Variants in SLC35F1 observed in about 807,000 individuals in gnomAD.
SLC35F1 encodes the protein solute carrier family 35 member F1.
Under a neutral mutation model 48.7 loss-of-function variants are expected in SLC35F1, and 14 were observed. That is an observed-to-expected ratio of 0.29 (90% CI 0.19 to 0.45). The LOEUF (loss-of-function observed/expected upper bound fraction) is 0.45. Among genes scored for constraint, SLC35F1 ranks in the 20% least tolerant of loss-of-function variants. The pLI is 1.00. For synonymous variants in SLC35F1, 190 were observed against 202.2 expected, an observed-to-expected ratio of 0.94 and a Z score of 0.51; for missense variants, 404 against 500.0, an observed-to-expected ratio of 0.81 and a Z score of 1.83.
At chr6:117,923,431 T>A (rs1360104587) in intron 1 of SLC35F1, among the ~76,000 whole-genome samples, 1 of 151,010 alleles carries the variant, frequency 6.6e-6, no homozygotes, top group Non-Finnish European at 1.5e-5. Context: ...GTGGGTTCAG[T>A]TTAACTTGAT....
intron 2 of SLC35F1, among the ~76,000 whole-genome samples, chr6:118,177,669 A>G (rs1774510099): frequency 6.6e-6 from 1 of 152,120 alleles, no homozygotes; most frequent in Non-Finnish European, 1.5e-5. Flanking sequence ...CAAATTACAG[A>G]AAATTCTTAG....
intron 1 of SLC35F1, among the ~76,000 whole-genome samples, chr6:117,979,673 T>C (rs1776750106): frequency 6.6e-6 from 1 of 152,192 alleles, no homozygotes; most frequent in Non-Finnish European, 1.5e-5. Flanking sequence ...AATTTTATAA[T>C]TATGTCTTTC....
At chr6:117,967,313 AG>A (rs538839501) in intron 1 of SLC35F1, among the ~76,000 whole-genome samples, 86 of 152,358 alleles carry the variant, frequency 5.6e-4, no homozygotes, top group Non-Finnish European at 1.1e-3. Context: ...TTGAAACCAT[AG>A]AAAAAATTTT....
chr6:118,057,414 A>G (rs1331251640), intron 1 of SLC35F1, among the ~76,000 whole-genome samples: 3 of 152,140 alleles, frequency 2.0e-5, no homozygotes, highest in Admixed American at 6.5e-5. Flanking sequence ...GGTCCCAAGC[A>G]GGAGGAGGGG....
At chr6:118,182,519 A>AGAGAAGGAAGGAAG (rs1554234198) in intron 2 of SLC35F1, among the ~76,000 whole-genome samples, 88 of 106,338 alleles carry the variant, frequency 8.3e-4, no homozygotes, top group African/African-American at 1.9e-3. Flanking sequence ...AGAGAGAGAG[A>AGAGAAGGAAGGAAG]GAAGGAAGGA....
intron 1 of SLC35F1, among the ~76,000 whole-genome samples, chr6:117,916,656 T>C (rs1460087317): frequency 2.6e-5 from 4 of 152,290 alleles, no homozygotes; most frequent in Admixed American, 6.5e-5. Context: ...AGGGAAACTA[T>C]TTAGGAGTAC....
intron 2 of SLC35F1, among the ~76,000 whole-genome samples, chr6:118,180,087 C>A (rs1774551369): frequency 6.6e-6 from 1 of 152,094 alleles, no homozygotes; most frequent in South Asian, 2.1e-4. Context: ...AAAAACATTT[C>A]TCCTTTGAGA....
At chr6:117,970,698 G>T (rs950229157) in intron 1 of SLC35F1, among the ~76,000 whole-genome samples, 3 of 152,206 alleles carry the variant, frequency 2.0e-5, no homozygotes, top group African/African-American at 4.8e-5. Context: ...AGGAGCAAAG[G>T]CATGTCTTAC....
intron 3 of SLC35F1, among the ~76,000 whole-genome samples, chr6:118,236,667 C>G (rs946424365): frequency 2.0e-5 from 3 of 152,196 alleles, no homozygotes; most frequent in Non-Finnish European, 2.9e-5. Context: ...TTTTCCAGGA[C>G]CACCTCCATA....
chr6:118,267,153 A>C lies in SLC35F1; in HGVS notation c.636A>C (p.Ala212=). 6.2e-7 allele frequency: 1 copy of C among 1,613,920 alleles called. No homozygotes were observed. The highest frequency in any genetic ancestry group is 2.2e-5 in the East Asian group (1 of 44,868). ...ADVLVGRHQG[A]GENKLVGDLL... ...TGCTTGTGGGAAGACATCAGGGAGC[A>C]GGTGAGTCTTCGGATGTTCACCAGG... is the stretch of plus-strand genomic sequence containing the variant. The change falls in exon 4 of 8, where the codon GCA becomes GCC. Residue 212 remains alanine (A), a splice_region_variant and synonymous_variant. Transcript: ENST00000360388.
intron 1 of SLC35F1, among the ~76,000 whole-genome samples, chr6:118,034,230 G>A (rs762743005): frequency 6.6e-6 from 1 of 151,918 alleles, no homozygotes; most frequent in African/African-American, 2.4e-5. Flanking sequence ...TATAAAACCT[G>A]TTCTTAGCAT....
In SLC35F1 at chr6:117,907,708, CGCCTCA is replaced by C; in HGVS notation, c.-13_-8del. Reference sequence around the variant, plus strand: ...CCCGGCTGCGTTCTGATCGCCGCCGCGCCTCAGCCTCTGCCGCGATGATCCCCCCTG... The same window carrying C: ...CCCGGCTGCGTTCTGATCGCCGCCGCGCCTCTGCCGCGATGATCCCCCCTG... On this transcript the variant is annotated 5_prime_UTR_variant, in exon 1 of 8. Transcript: ENST00000360388. 1 of 1,453,614 alleles carries C rather than the reference CGCCTCA, an allele frequency of 6.9e-7. No individual in the cohort carries two copies. The highest frequency in any genetic ancestry group is 9.2e-7 in the Non-Finnish European group (1 of 1,081,500). The allele number at this position is 1,453,614 out of a possible 1,614,324, so 90.0% of individuals were successfully genotyped here. A position where few individuals can be genotyped will look rare whatever the true frequency, so the allele number is the denominator to read the frequency against.
At chr6:117,934,059 A>G (rs1265046768) in intron 1 of SLC35F1, among the ~76,000 whole-genome samples, 1 of 152,130 alleles carries the variant, frequency 6.6e-6, no homozygotes, top group East Asian at 1.9e-4. Flanking sequence ...AAATTCATGA[A>G]CTACAGAAAA....
intron 3 of SLC35F1, among the ~76,000 whole-genome samples, chr6:118,252,694 G>A (rs1775591581): frequency 2.6e-5 from 4 of 152,084 alleles, no homozygotes; most frequent in Admixed American, 2.6e-4. Flanking sequence ...TAGTGGAGTG[G>A]GTATAAATAG....
chr6:117,957,726 A>G (rs1005073867), intron 1 of SLC35F1, among the ~76,000 whole-genome samples: 6 of 152,234 alleles, frequency 3.9e-5, no homozygotes, highest in Non-Finnish European at 5.9e-5. Context: ...ATATTGTAGC[A>G]CAAGATACTA....
chr6:117,929,474 T>TGTGA (rs1380379345), intron 1 of SLC35F1, among the ~76,000 whole-genome samples: 1 of 151,648 alleles, frequency 6.6e-6, no homozygotes, highest in African/African-American at 2.4e-5. Context: ...TGTGTGTGTG[T>TGTGA]GTGTGTGTGT....
At chr6:118,099,068 G>T (rs2114360512) in intron 1 of SLC35F1, among the ~76,000 whole-genome samples, 1 of 152,330 alleles carries the variant, frequency 6.6e-6, no homozygotes, top group Middle Eastern at 3.4e-3. Context: ...GGGGAATTCA[G>T]AAGAGATCTT....
chr6:118,291,833 T>A (rs1304942666), intron 7 of SLC35F1, among the ~76,000 whole-genome samples: 1 of 152,160 alleles, frequency 6.6e-6, no homozygotes, highest in South Asian at 2.1e-4. Context: ...AAAATACTGA[T>A]GTGGCTGGGC....
chr6:118,017,211 A>G (rs9401047), intron 1 of SLC35F1, among the ~76,000 whole-genome samples: 96,939 of 152,108 alleles, frequency 0.64, 32,945 homozygotes, highest in South Asian at 0.81. Context: ...CTACATTAGG[A>G]CTAATCCCTG....
Sources: allele counts gnomAD v4.1 joint callset (sites outside exome capture counted in the v4.1 genomes callset), GRCh38; gene constraint gnomAD v4.1.1; transcripts MANE v1.5; gene names NCBI Gene and HGNC (gene_info 2026-07-23, HGNC 2026-07-21).